KLF12: variants seen among roughly 807,000 people sequenced by gnomAD.
KLF12 encodes the protein Krueppel-like factor 12.
Under a neutral mutation model 37.8 loss-of-function variants are expected in KLF12, and 9 were observed. The ratio of observed to expected loss-of-function variants is 0.24; its 90% CI spans 0.14 to 0.42. KLF12 has a LOEUF of 0.42. Among genes scored for constraint, KLF12 ranks in the 10% least tolerant of loss-of-function variants. The pLI, the probability that KLF12 is intolerant of heterozygous loss-of-function variation, is 1.00. For missense variants in KLF12, 411 were observed against 516.0 expected (o/e 0.80, Z 1.97); for synonymous variants, 208 against 202.1 (o/e 1.03, Z -0.25).
the KLF12 span, among the ~76,000 whole-genome samples, chr13:74,190,720 G>A: frequency 9.9e-3 from 1,511 of 152,238 alleles, 26 homozygotes; most frequent in African/African-American, 0.031. Flanking sequence ...ATGTTTATAT[G>A]CATCATTGAT....
chr13:74,279,641 T>C, the KLF12 span, among the ~76,000 whole-genome samples: 1 of 152,172 alleles, frequency 6.6e-6, no homozygotes, highest in Non-Finnish European at 1.5e-5. Flanking sequence ...ACATCAGTTC[T>C]GTAACCAATG....
chr13:73,700,592 A>G (rs1005470256), intron 7 of KLF12, among the ~76,000 whole-genome samples: 26 of 152,084 alleles, frequency 1.7e-4, no homozygotes, highest in African/African-American at 5.8e-4. Context: ...TAAAAAAAAA[A>G]GAAAACAATA....
At chr13:73,895,054 T>C (rs1368105298) in intron 3 of KLF12, among the ~76,000 whole-genome samples, 1 of 152,252 alleles carries the variant, frequency 6.6e-6, no homozygotes, top group African/African-American at 2.4e-5. Context: ...TATTTCTTTC[T>C]TTCTTGCTGG....
At chr13:74,184,772 G>C in the KLF12 span, among the ~76,000 whole-genome samples, 2 of 152,100 alleles carry the variant, frequency 1.3e-5, no homozygotes, top group African/African-American at 4.8e-5. Flanking sequence ...ATAACCAACA[G>C]AATTCTGTTA....
intron 5 of KLF12, among the ~76,000 whole-genome samples, chr13:73,793,417 T>TG (rs1464496667): frequency 6.6e-6 from 1 of 152,236 alleles, no homozygotes; most frequent in Non-Finnish European, 1.5e-5. Flanking sequence ...AACACTTCTA[T>TG]AAGACCTAGA....
chr13:73,982,454 C>A (rs916607643), intron 2 of KLF12, among the ~76,000 whole-genome samples: 28 of 152,136 alleles, frequency 1.8e-4, no homozygotes, highest in African/African-American at 6.8e-4. Context: ...TACACTTAGG[C>A]AAAGACAACT....
chr13:74,001,504 A>T (rs529788276), intron 1 of KLF12, among the ~76,000 whole-genome samples: 1 of 152,350 alleles, frequency 6.6e-6, no homozygotes, highest in East Asian at 1.9e-4. Context: ...TAAAAGTTTT[A>T]GATACTAGAG....
intron 5 of KLF12, among the ~76,000 whole-genome samples, chr13:73,789,827 C>A (rs925689061): frequency 6.6e-6 from 1 of 152,112 alleles, no homozygotes; most frequent in Non-Finnish European, 1.5e-5. Context: ...CAGGCGTCCG[C>A]CACTACGCCC....
At chr13:73,725,879 ATTTT>A (rs1555297269) in intron 6 of KLF12, among the ~76,000 whole-genome samples, 5 of 140,082 alleles carry the variant, frequency 3.6e-5, no homozygotes, top group African/African-American at 1.1e-4. Flanking sequence ...TTATTTATTT[ATTTT>A]TTGAGATGGA....
At position 73,920,424 on chromosome 13, in the gene KLF12, T is replaced by C. The variant is rs938310286; in HGVS notation, c.123+23557A>G. Among the ~76,000 whole-genome samples the C allele has an allele frequency of 2.6e-5, 4 of 152,146 alleles. 1 individual carries two copies. The highest frequency in any genetic ancestry group is 1.3e-4 in the Admixed American group (2 of 15,264). On this transcript the variant is annotated intron_variant, in intron 3 of 7. Coordinates refer to ENST00000377669, the MANE Select transcript of KLF12 (RefSeq NM_007249.5). Reference sequence around the variant, plus strand: ...GCTCAAGAAAATACCAGCCCAGTATTTAAAAAATGATTTAACTGCTTAGTC... The same window carrying C: ...GCTCAAGAAAATACCAGCCCAGTATCTAAAAAATGATTTAACTGCTTAGTC...
At chr13:73,868,284 A>G (rs1391530299) in intron 3 of KLF12, among the ~76,000 whole-genome samples, 1 of 129,106 alleles carries the variant, frequency 7.7e-6, no homozygotes, top group Non-Finnish European at 1.6e-5. Context: ...AGCCTGGGCA[A>G]CAAGAGCAAA....
At chr13:74,053,758 G>C (rs930049760) in intron 1 of KLF12, among the ~76,000 whole-genome samples, 2 of 152,184 alleles carry the variant, frequency 1.3e-5, no homozygotes, top group Non-Finnish European at 2.9e-5. Flanking sequence ...TCTTGGACTA[G>C]AAATGTTTTT....
chr13:74,141,745 C>T, the KLF12 span, among the ~76,000 whole-genome samples: 1 of 152,172 alleles, frequency 6.6e-6, no homozygotes, highest in Non-Finnish European at 1.5e-5. Flanking sequence ...GAAGCATCAA[C>T]TGTATCTCTG....
At chr13:74,263,489 C>T in the KLF12 span, among the ~76,000 whole-genome samples, 2 of 152,336 alleles carry the variant, frequency 1.3e-5, no homozygotes, top group African/African-American at 4.8e-5. Context: ...GTTTGACACT[C>T]AACCTGTTAC....
At chr13:74,094,834 A>G (rs1023906150) in intron 1 of KLF12, among the ~76,000 whole-genome samples, 1 of 152,120 alleles carries the variant, frequency 6.6e-6, no homozygotes, top group Non-Finnish European at 1.5e-5. Context: ...TCCTGACCTC[A>G]AGTGATCCAC....
intron 1 of KLF12, among the ~76,000 whole-genome samples, chr13:74,097,264 T>C (rs1876034160): frequency 1.3e-5 from 2 of 152,170 alleles, no homozygotes; most frequent in Non-Finnish European, 2.9e-5. Flanking sequence ...CAAAGGGACA[T>C]GGCATCCTTA....
intron 6 of KLF12, among the ~76,000 whole-genome samples, chr13:73,763,916 A>G (rs1389475270): frequency 6.6e-6 from 1 of 152,166 alleles, no homozygotes; most frequent in Non-Finnish European, 1.5e-5. Context: ...GAAAAGCACA[A>G]TATTTAACAA....
At chr13:74,184,854 A>G in the KLF12 span, among the ~76,000 whole-genome samples, 1 of 152,218 alleles carries the variant, frequency 6.6e-6, no homozygotes, top group South Asian at 2.1e-4. Context: ...TGCAATCAGA[A>G]AAGTTTTATG....
At chr13:73,913,772 C>T (rs1217972933) in intron 3 of KLF12, among the ~76,000 whole-genome samples, 4 of 151,896 alleles carry the variant, frequency 2.6e-5, no homozygotes, top group African/African-American at 9.7e-5. Flanking sequence ...ATTAATATCA[C>T]CTTCATTATA....
Sources: allele counts gnomAD v4.1 joint callset (sites outside exome capture counted in the v4.1 genomes callset), GRCh38; gene constraint gnomAD v4.1.1; transcripts MANE v1.5; gene names NCBI Gene and HGNC (gene_info 2026-07-23, HGNC 2026-07-21).